B9D2: variants seen among roughly 807,000 people sequenced by gnomAD.
B9D2 encodes B9 domain-containing protein 2.
In B9D2, 21 loss-of-function variants were observed where a neutral mutation model predicts 19.2. The ratio of observed to expected loss-of-function variants is 1.09; its 90% CI spans 0.78 to 1.58. B9D2 has a LOEUF of 1.58. B9D2 is among the 40% of genes most tolerant of loss of function. B9D2 has a pLI of 0.00. For missense variants in B9D2, 221 were observed against 244.3 expected (o/e 0.90, Z 0.64); for synonymous variants, 91 against 100.6 (o/e 0.90, Z 0.57).
Position 41,354,987 on chromosome 19 carries a change from A to G in B9D2, c.241T>C (p.Trp81Arg), listed in dbSNP as rs2038287876. ...QGWPRLHFQV[W>R]SQDSFGRCQL... ...CAGCGGCCAAAGCTGTCCTGGGACC[A>G]CACCTGGAAATGGAGCCGGGGCCAG... Residue 81 changes from tryptophan (W) to arginine (R), a missense_variant, in exon 4 of 4, where the codon TGG (tryptophan) becomes CGG (arginine). Physicochemically the swap from Trp to Arg is moderately radical, Grantham distance 101. Coordinates refer to ENST00000243578, the MANE Select transcript of B9D2 (RefSeq NM_030578.4). 2 of 1,604,394 alleles carry G rather than the reference A, an allele frequency of 1.2e-6. No homozygotes were observed. The highest frequency in any genetic ancestry group is 4.5e-5 in the East Asian group (2 of 44,598).
chr19:41,355,483 C>G (rs531134330), intron 3 of B9D2, among the ~76,000 whole-genome samples: 2 of 152,290 alleles, frequency 1.3e-5, no homozygotes, highest in South Asian at 4.1e-4. Context: ...CTTTCTTGCC[C>G]CTCTCTAATC....
chr19:41,363,551 C>A (rs576302420), intron 1 of B9D2, 28 bp from the exon 2 acceptor site: 26 of 1,597,254 alleles, frequency 1.6e-5, no homozygotes, highest in Non-Finnish European at 2.1e-5. Context: ...TAATCACAAC[C>A]CTGTGAGGTA....
chr19:41,362,558 C>T (rs2038427962), intron 2 of B9D2, among the ~76,000 whole-genome samples: 1 of 152,096 alleles, frequency 6.6e-6, no homozygotes, highest in African/African-American at 2.4e-5. Flanking sequence ...CTTCCTATTC[C>T]AGCCCTATTC....
Position 41,363,849 on chromosome 19 carries a change from C to A in B9D2, c.-5+109G>T, listed in dbSNP as rs1184610348. The A allele has an allele frequency of 1.3e-5, 7 of 535,834 alleles. No homozygotes were observed. The East Asian group carries it at 2.4e-4, about 18-fold the overall frequency. The allele number at this position is 535,834 out of a possible 1,614,324, so 33.2% of individuals were successfully genotyped here. A position where few individuals can be genotyped will look rare whatever the true frequency, so the allele number is the denominator to read the frequency against. On this transcript the variant is annotated intron_variant, in intron 1 of 3. Coordinates refer to ENST00000243578, the MANE Select transcript of B9D2 (RefSeq NM_030578.4). ...CGCAAAAGACCCGCCTTCCGCGTCA[C>A]GCCAGCCACCCCGCTTCCCTCCCCC...
In B9D2 at chr19:41,364,057, G is replaced by C. The variant is rs867979851; in HGVS notation, c.-104C>G. On this transcript the variant is annotated 5_prime_UTR_variant, in exon 1 of 4. Coordinates refer to ENST00000243578, the MANE Select transcript of B9D2 (RefSeq NM_030578.4). ...TCTCCGCGGGCGCCGACCAGGCCTG[G>C]CTCGCGCCTCTCCCAGGACCCGCCT... The C allele has an allele frequency of 9.3e-5, 16 of 171,922 alleles. No homozygotes were observed. In the South Asian group the frequency reaches 1.5e-3, roughly 16 times the overall value. The allele number at this position is 171,922 out of a possible 1,614,324, so 10.6% of individuals were successfully genotyped here.
chr19:41,360,047 G>A (rs117031209), intron 2 of B9D2, among the ~76,000 whole-genome samples: 2,258 of 152,152 alleles, frequency 0.015, 29 homozygotes, highest in Admixed American at 0.025. Flanking sequence ...CATCCTTCAG[G>A]GCCCAGCTCA....
In B9D2 at chr19:41,363,045, G is replaced by A. The variant is rs1462495400; in HGVS notation, c.88+387C>T. On this transcript the variant is annotated intron_variant, in intron 2 of 3. Transcript: ENST00000243578. ...GGCCTGTTTGAGCGCAGGAGTTCGA[G>A]ACCAGCCTGGGCAACATAGCGAGAC... 4 of 259,054 alleles carry A rather than the reference G, an allele frequency of 1.5e-5. No homozygotes were observed. The East Asian group carries it at 2.9e-4, about 19-fold the overall frequency. 16.0% of individuals were successfully genotyped at this position (259,054 alleles called of 1,614,324 possible).
At chr19:41,360,456 G>A (rs1336502174) in intron 2 of B9D2, among the ~76,000 whole-genome samples, 2 of 150,228 alleles carry the variant, frequency 1.3e-5, no homozygotes, top group Non-Finnish European at 1.5e-5. Context: ...GCATTACAGG[G>A]GTGAGTCACC....
At chr19:41,358,913 G>A (rs546835724) in intron 2 of B9D2, among the ~76,000 whole-genome samples, 29 of 152,068 alleles carry the variant, frequency 1.9e-4, no homozygotes, top group African/African-American at 6.7e-4. Flanking sequence ...GAGGCTTAGG[G>A]GGGGGTGGAT....
chr19:41,360,410 C>T (rs1426732825), intron 2 of B9D2, among the ~76,000 whole-genome samples: 1 of 152,176 alleles, frequency 6.6e-6, no homozygotes, highest in African/African-American at 2.4e-5. Flanking sequence ...CTCCTGGGCT[C>T]AAGTGATCCT....
At chr19:41,362,371 CAA>C (rs777325237) in intron 2 of B9D2, among the ~76,000 whole-genome samples, 30 of 58,360 alleles carry the variant, frequency 5.1e-4, no homozygotes, top group African/African-American at 2.0e-3. Flanking sequence ...GAACGAGTCT[CAA>C]AAAAAAAAAA....
intron 3 of B9D2, 139 bp downstream of exon 3, chr19:41,357,758 C>G: frequency 4.6e-6 from 6 of 1,318,270 alleles, no homozygotes; most frequent in Non-Finnish European, 6.4e-6. Context: ...TCAGCCTCTC[C>G]AGGGCCAGAC....
intron 2 of B9D2, 70 bp from the exon 3 acceptor site, chr19:41,358,092 G>A: frequency 1.3e-6 from 2 of 1,596,826 alleles, no homozygotes; most frequent in South Asian, 1.1e-5. Context: ...TGTGGCTATA[G>A]GACTGTTTCT....
chr19:41,358,150 A>G, intron 2 of B9D2, 128 bp from the exon 3 acceptor site: 1 of 1,387,176 alleles, frequency 7.2e-7, no homozygotes, highest in Non-Finnish European at 9.8e-7. Context: ...TCTGGAACCA[A>G]GTATCTGGGT....
At chr19:41,355,979 G>T (rs1027190109) in intron 3 of B9D2, among the ~76,000 whole-genome samples, 2 of 152,196 alleles carry the variant, frequency 1.3e-5, no homozygotes, top group Admixed American at 6.5e-5. Context: ...CCTGGGGGGG[G>T]ACTGTCTGGT....
Position 41,354,937 on chromosome 19 carries a change from G to A in B9D2, c.291C>T (p.Cys97=). Residue 97 remains cysteine, a synonymous_variant, in exon 4 of 4, where the codon TGC becomes TGT. Transcript: ENST00000243578. ...GGGTGCCCGGGCTACTGGGCACATG[G>A]CAAAATCCATAGCCTGCAAGCTGGC... is the stretch of plus-strand genomic sequence containing the variant. ...GRCQLAGYGF[C]HVPSSPGTHQ... 2 of 1,613,086 alleles carry A rather than the reference G, an allele frequency of 1.2e-6. No homozygotes were observed. The highest frequency in any genetic ancestry group is 8.5e-7 in the Non-Finnish European group (1 of 1,179,668).
intron 2 of B9D2, among the ~76,000 whole-genome samples, chr19:41,360,184 G>A (rs2038381634): frequency 6.6e-6 from 1 of 151,754 alleles, no homozygotes. Flanking sequence ...TTTTTTTGGG[G>A]GGGTGGGGGG....
At chr19:41,359,216 AG>A (rs1568485014) in intron 2 of B9D2, among the ~76,000 whole-genome samples, 1 of 151,926 alleles carries the variant, frequency 6.6e-6, no homozygotes, top group Non-Finnish European at 1.5e-5. Context: ...TGATCACCTG[AG>A]GTCAGGAGTT....
chr19:41,357,073 T>C (rs2038324913), intron 3 of B9D2, among the ~76,000 whole-genome samples: 1 of 152,174 alleles, frequency 6.6e-6, no homozygotes, highest in African/African-American at 2.4e-5. Context: ...TAGAACCTTC[T>C]TCTATCCCTC....
Sources: allele counts gnomAD v4.1 joint callset (sites outside exome capture counted in the v4.1 genomes callset), GRCh38; gene constraint gnomAD v4.1.1; transcripts MANE v1.5; gene names NCBI Gene and HGNC (gene_info 2026-07-23, HGNC 2026-07-21).